CNNM2: variants seen among roughly 807,000 people sequenced by gnomAD.
CNNM2 encodes the protein metal transporter CNNM2.
A neutral mutation model predicts 66.9 loss-of-function variants in CNNM2; 12 were observed. That is an observed-to-expected ratio of 0.18 (90% CI 0.11 to 0.29). CNNM2 has a LOEUF of 0.29. Among genes scored for constraint, CNNM2 ranks in the 10% least tolerant of loss-of-function variants. The pLI is 1.00. For missense variants in CNNM2, 705 were observed against 1,167.7 expected (o/e 0.60, Z 5.77); for synonymous variants, 557 against 501.8 (o/e 1.11, Z -1.47).
rs1590517565 is a variant in CNNM2 at position 103,077,443 on chromosome 10, TA to T, written c.*264del. On this transcript the variant is annotated 3_prime_UTR_variant, in exon 8 of 8. Coordinates refer to ENST00000369878, the MANE Select transcript of CNNM2 (RefSeq NM_017649.5). ...GATTCCGCCCAAATAGAATCATGTT[TA>T]TTTTTTCAGCTCTCCCTTTTATCAT... The T allele has an allele frequency of 3.9e-5, 18 of 460,226 alleles. No individual in the cohort carries two copies. In the East Asian group the frequency reaches 6.0e-4, roughly 15 times the overall value. The allele number at this position is 460,226 out of a possible 1,614,324, so 28.5% of individuals were successfully genotyped here.
At chr10:103,042,868 A>T (rs373590421) in intron 1 of CNNM2, among the ~76,000 whole-genome samples, 5 of 152,198 alleles carry the variant, frequency 3.3e-5, no homozygotes, top group African/African-American at 1.2e-4. Flanking sequence ...TGTTAGTGAC[A>T]TGGGACCTAA....
intron 1 of CNNM2, among the ~76,000 whole-genome samples, chr10:103,014,096 C>T (rs925362243): frequency 6.6e-6 from 1 of 152,160 alleles, no homozygotes; most frequent in Admixed American, 6.5e-5. Context: ...TGCCATTTGT[C>T]ATGTTGGTTC....
rs375644412 is a variant in CNNM2 at position 102,922,351 on chromosome 10, G to T, written c.1621+2250G>T. Among the ~76,000 whole-genome samples, 5 of 151,536 alleles carry T rather than the reference G, an allele frequency of 3.3e-5. No homozygotes were observed. The East Asian group carries it at 9.6e-4, about 29-fold the overall frequency. On this transcript the variant is annotated intron_variant, in intron 1 of 7. Coordinates refer to ENST00000369878, the MANE Select transcript of CNNM2 (RefSeq NM_017649.5). ...GGATTTTTTTTTTATTATCAGTTTG[G>T]TTACTTTAACCTTACTGTCAGTTAT...
intron 1 of CNNM2, among the ~76,000 whole-genome samples, chr10:102,956,972 TAAAAG>T (rs929546836): frequency 3.9e-5 from 6 of 152,102 alleles, no homozygotes; most frequent in African/African-American, 1.4e-4. Flanking sequence ...CCCTAGAACT[TAAAAG>T]TATAGTAATA....
In CNNM2 at chr10:103,003,215, C is replaced by T. The variant is rs117339828; in HGVS notation, c.1622-46492C>T. Among the ~76,000 whole-genome samples the T allele has an allele frequency of 4.1e-3, 619 of 151,102 alleles. 18 individuals are homozygous for T. The East Asian group carries it at 0.073, about 18-fold the overall frequency. ...GCAACCTCCGCCTCCTGGGTCCAAGCGATTCTCATGGCCTCAGCCTCCTGA... is the reference window on the plus strand; with the variant it reads ...GCAACCTCCGCCTCCTGGGTCCAAGTGATTCTCATGGCCTCAGCCTCCTGA... On this transcript the variant is annotated intron_variant, in intron 1 of 7. Coordinates refer to ENST00000369878, the MANE Select transcript of CNNM2 (RefSeq NM_017649.5).
At chr10:102,943,189 C>T (rs988897599) in intron 1 of CNNM2, among the ~76,000 whole-genome samples, 2 of 152,036 alleles carry the variant, frequency 1.3e-5, no homozygotes, top group Non-Finnish European at 2.9e-5. Context: ...CGTGCCACTG[C>T]ACTTCAGCCT....
intron 1 of CNNM2, among the ~76,000 whole-genome samples, chr10:103,010,779 A>G (rs1049233017): frequency 4.6e-5 from 7 of 151,784 alleles, no homozygotes; most frequent in Non-Finnish European, 8.8e-5. Flanking sequence ...TGCCCAGCTA[A>G]TTTTTGTATT....
chr10:103,032,374 C>T (rs2064843232), intron 1 of CNNM2, among the ~76,000 whole-genome samples: 1 of 151,980 alleles, frequency 6.6e-6, no homozygotes, highest in South Asian at 2.1e-4. Flanking sequence ...TCGCTTGAAC[C>T]TGGGAGATGG....
At chr10:102,921,292 T>A (rs997741629) in intron 1 of CNNM2, among the ~76,000 whole-genome samples, 3 of 152,206 alleles carry the variant, frequency 2.0e-5, no homozygotes, top group Non-Finnish European at 4.4e-5. Flanking sequence ...AAGTTTCCCT[T>A]CTTCAAATAG....
intron 1 of CNNM2, among the ~76,000 whole-genome samples, chr10:102,973,875 G>A (rs1038455370): frequency 6.9e-5 from 10 of 144,862 alleles, no homozygotes; most frequent in Non-Finnish European, 1.2e-4. Context: ...ATCCTTATGC[G>A]GGATTGCTCC....
At chr10:102,944,800 C>T (rs1188853546) in intron 1 of CNNM2, among the ~76,000 whole-genome samples, 1 of 152,136 alleles carries the variant, frequency 6.6e-6, no homozygotes, top group Non-Finnish European at 1.5e-5. Context: ...AGTCCACATT[C>T]ATTCACTTGG....
chr10:102,991,113 A>T (rs1247745473), intron 1 of CNNM2, among the ~76,000 whole-genome samples: 2 of 152,194 alleles, frequency 1.3e-5, no homozygotes, highest in East Asian at 3.9e-4. Flanking sequence ...CAGCCTCCCG[A>T]GTAGCTGGGA....
intron 1 of CNNM2, among the ~76,000 whole-genome samples, chr10:103,023,021 GC>G (rs1428499556): frequency 6.6e-6 from 1 of 152,078 alleles, no homozygotes; most frequent in Non-Finnish European, 1.5e-5. Context: ...TCCTACCTCA[GC>G]CTCTCAAGTA....
intron 6 of CNNM2, among the ~76,000 whole-genome samples, chr10:103,075,789 C>G (rs1021148191): frequency 6.6e-6 from 1 of 152,178 alleles, no homozygotes; most frequent in Admixed American, 6.5e-5. Context: ...TCACAGTACC[C>G]GGGAATGTTC....
At chr10:102,945,538 T>TC (rs1846586977) in intron 1 of CNNM2, among the ~76,000 whole-genome samples, 3 of 151,868 alleles carry the variant, frequency 2.0e-5, no homozygotes, top group South Asian at 2.1e-4. Flanking sequence ...CCTCTCCTGC[T>TC]CCCCCCACTC....
At chr10:103,015,093 C>A (rs1267198646) in intron 1 of CNNM2, among the ~76,000 whole-genome samples, 1 of 152,108 alleles carries the variant, frequency 6.6e-6, no homozygotes, top group Non-Finnish European at 1.5e-5. Flanking sequence ...GTAATGGTTA[C>A]AAAAATGATG....
Position 103,076,223 on chromosome 10 carries a change from A to C in CNNM2, c.2371A>C (p.Ile791Leu), listed in dbSNP as rs772583923. Reference protein sequence around the residue: ...QLNSSLLQVYIPDYSVRALSD... With the variant: ...QLNSSLLQVYLPDYSVRALSD... ...CAATTCTTCGCTCCTCCAAGTCTAC[A>C]TCCCCGATTACTCGGTGCGAGCCCT... is the stretch of plus-strand genomic sequence containing the variant. The change falls in exon 7 of 8, where the codon ATC (isoleucine) becomes CTC (leucine). Residue 791 changes from isoleucine to leucine, a missense_variant. Coordinates refer to ENST00000369878, the MANE Select transcript of CNNM2 (RefSeq NM_017649.5). 2 of 1,579,762 alleles carry C rather than the reference A, an allele frequency of 1.3e-6. No individual in the cohort carries two copies. Among genetic ancestry groups the C allele is most frequent in the Non-Finnish European group, 1.7e-6 (2 of 1,162,518 alleles).
At chr10:102,930,171 A>C (rs1470966598) in intron 1 of CNNM2, among the ~76,000 whole-genome samples, 1 of 152,244 alleles carries the variant, frequency 6.6e-6, no homozygotes, top group Non-Finnish European at 1.5e-5. Context: ...AAGAGTTAAG[A>C]AAATTATAAA....
intron 1 of CNNM2, among the ~76,000 whole-genome samples, chr10:102,955,254 C>T (rs529463901): frequency 6.6e-6 from 1 of 152,246 alleles, no homozygotes; most frequent in South Asian, 2.1e-4. Context: ...CTTTGACAAA[C>T]CTGACAAAAG....
Sources: gnomAD v4.1 joint callset for allele counts (sites outside exome capture counted in the v4.1 genomes callset) on GRCh38, gnomAD v4.1.1 for gene constraint, MANE v1.5 for transcripts, NCBI Gene and HGNC (gene_info 2026-07-23, HGNC 2026-07-21) for gene names.